SNTG2: variants seen among roughly 807,000 people sequenced by gnomAD.
SNTG2 encodes the protein syntrophin gamma 2.
A neutral mutation model predicts 70.9 loss-of-function variants in SNTG2; 74 were observed. That is an observed-to-expected ratio of 1.04 (90% CI 0.86 to 1.27). The LOEUF (loss-of-function observed/expected upper bound fraction) is 1.27. Among genes scored for constraint, SNTG2 ranks in the 50% most tolerant of loss-of-function variants. The pLI is 0.00. For synonymous variants in SNTG2, 278 were observed against 273.8 expected, an observed-to-expected ratio of 1.02 and a Z score of -0.15; for missense variants, 717 against 690.7, an observed-to-expected ratio of 1.04 and a Z score of -0.43.
At chr2:1,155,878 C>T (rs1050602727) in intron 6 of SNTG2, among the ~76,000 whole-genome samples, 3 of 152,100 alleles carry the variant, frequency 2.0e-5, no homozygotes, top group African/African-American at 7.2e-5. Flanking sequence ...GATGGCCACA[C>T]AGAGTGTGCA....
intron 8 of SNTG2, among the ~76,000 whole-genome samples, chr2:1,207,732 C>G (rs1313421430): frequency 6.6e-6 from 1 of 152,108 alleles, no homozygotes; most frequent in African/African-American, 2.4e-5. Context: ...CATGAGAAAC[C>G]CTGGGGAACC....
At chr2:1,159,024 ATGTGTGCATG>A (rs1390862403) in intron 6 of SNTG2, among the ~76,000 whole-genome samples, 21 of 151,864 alleles carry the variant, frequency 1.4e-4, no homozygotes, top group Admixed American at 2.0e-4. Flanking sequence ...GTGTGTCCAT[ATGTGTGCATG>A]TGTGTGCATG....
chr2:1,286,629 C>T (rs930533397), intron 14 of SNTG2, among the ~76,000 whole-genome samples: 20 of 152,168 alleles, frequency 1.3e-4, no homozygotes, highest in African/African-American at 4.8e-4. Flanking sequence ...TAGGCAAACC[C>T]ATATTTAGAG....
intron 1 of SNTG2, among the ~76,000 whole-genome samples, chr2:993,087 T>A (rs1399404672): frequency 1.3e-4 from 19 of 145,550 alleles, no homozygotes; most frequent in African/African-American, 4.3e-4. Flanking sequence ...TTTTTTTTTT[T>A]ATTATACTCT....
At chr2:1,115,961 T>C (rs1666939276) in intron 4 of SNTG2, among the ~76,000 whole-genome samples, 1 of 152,254 alleles carries the variant, frequency 6.6e-6, no homozygotes, top group African/African-American at 2.4e-5. Context: ...CTCCAGGACC[T>C]TGGCGGAGGT....
At chr2:1,191,322 A>C (rs1293338851) in intron 8 of SNTG2, among the ~76,000 whole-genome samples, 3 of 152,184 alleles carry the variant, frequency 2.0e-5, no homozygotes, top group Non-Finnish European at 4.4e-5. Context: ...AATTGCTCTC[A>C]TGTAGACTTT....
chr2:1,095,297 G>C (rs527296619), intron 2 of SNTG2, among the ~76,000 whole-genome samples: 3 of 152,146 alleles, frequency 2.0e-5, no homozygotes, highest in Non-Finnish European at 4.4e-5. Context: ...AGGGCTCACA[G>C]TACAGCTCTC....
At chr2:956,259 C>T (rs1299295220) in intron 1 of SNTG2, among the ~76,000 whole-genome samples, 3 of 131,668 alleles carry the variant, frequency 2.3e-5, no homozygotes, top group Non-Finnish European at 4.7e-5. Context: ...GCCCCTGCGC[C>T]TCCCCCTGCC....
intron 1 of SNTG2, among the ~76,000 whole-genome samples, chr2:970,687 G>GAA (rs1660709699): frequency 6.8e-6 from 1 of 147,246 alleles, no homozygotes; most frequent in Non-Finnish European, 1.5e-5. Flanking sequence ...ATTTGGGTTG[G>GAA]TTCCAAGTCT....
At chr2:1,165,722 G>T (rs900851050) in intron 7 of SNTG2, 87 bp downstream of exon 7, 11 of 1,128,890 alleles carry the variant, frequency 9.7e-6, no homozygotes, top group Middle Eastern at 2.0e-4. Context: ...CATGGACTGG[G>T]ATATTAATCA....
At chr2:1,163,969 G>A (rs146134446) in intron 6 of SNTG2, among the ~76,000 whole-genome samples, 124 of 152,328 alleles carry the variant, frequency 8.1e-4, no homozygotes, top group African/African-American at 2.9e-3. Context: ...ACCCATTCAA[G>A]CTACATCAGG....
At chr2:1,130,657 T>A (rs1428861449) in intron 4 of SNTG2, among the ~76,000 whole-genome samples, 1 of 152,190 alleles carries the variant, frequency 6.6e-6, no homozygotes, top group Non-Finnish European at 1.5e-5. Context: ...CAGGTCCACA[T>A]TTTTGGAGTA....
intron 7 of SNTG2, among the ~76,000 whole-genome samples, chr2:1,172,548 A>G (rs1671196060): frequency 6.6e-6 from 1 of 152,174 alleles, no homozygotes; most frequent in South Asian, 2.1e-4. Context: ...GAGCATGAAG[A>G]TCTATGAACT....
At chr2:1,077,231 G>A (rs898171532) in intron 1 of SNTG2, among the ~76,000 whole-genome samples, 2 of 152,158 alleles carry the variant, frequency 1.3e-5, no homozygotes, top group African/African-American at 2.4e-5. Context: ...CCTAGTCAAC[G>A]TTCACATCTG....
chr2:1,239,362 A>G (rs1439039986), intron 10 of SNTG2, among the ~76,000 whole-genome samples: 1 of 152,210 alleles, frequency 6.6e-6, no homozygotes, highest in Non-Finnish European at 1.5e-5. Flanking sequence ...TGGGAGAACT[A>G]AATAAAAGAA....
At chr2:1,100,029 T>G (rs73172912) in intron 4 of SNTG2, among the ~76,000 whole-genome samples, 1,888 of 152,230 alleles carry the variant, frequency 0.012, 35 homozygotes, top group African/African-American at 0.042. Flanking sequence ...AGGCAGCAGG[T>G]GCTGTTCAGA....
intron 7 of SNTG2, among the ~76,000 whole-genome samples, chr2:1,167,605 C>T (rs111865555): frequency 1.4e-4 from 17 of 119,700 alleles, no homozygotes; most frequent in Admixed American, 1.1e-3. Context: ...CGCCCACAGA[C>T]GGCAGAACTG....
intron 4 of SNTG2, among the ~76,000 whole-genome samples, chr2:1,103,184 T>G (rs1256657757): frequency 6.6e-6 from 1 of 152,164 alleles, no homozygotes; most frequent in Non-Finnish European, 1.5e-5. Context: ...AGCACATATG[T>G]CTAGACATTG....
intron 1 of SNTG2, among the ~76,000 whole-genome samples, chr2:990,545 C>T (rs1037191393): frequency 6.6e-6 from 1 of 152,204 alleles, no homozygotes; most frequent in Admixed American, 6.5e-5. Flanking sequence ...GCTCAACCTC[C>T]ATGACCTAAT....
Sources: gnomAD v4.1 joint callset for allele counts (sites outside exome capture counted in the v4.1 genomes callset) on GRCh38, gnomAD v4.1.1 for gene constraint, MANE v1.5 for transcripts, NCBI Gene and HGNC (gene_info 2026-07-23, HGNC 2026-07-21) for gene names.